Variants in TNKS observed in about 807,000 individuals in gnomAD.
TNKS encodes the protein poly [ADP-ribose] polymerase tankyrase-1.
TNKS carries 72 observed loss-of-function variants against 135.8 expected under a neutral mutation model. The observed-to-expected ratio is 0.53, with a 90% confidence interval of 0.44 to 0.64. The LOEUF is 0.64. TNKS is among the 30% of genes least tolerant of loss of function. The probability of loss-of-function intolerance (pLI) is 0.00; values close to 1 mark genes in which losing one functional copy is unlikely to be tolerated. For synonymous variants in TNKS, 849 were observed against 649.3 expected (o/e 1.31, Z -4.68); for missense variants, 1,769 against 1,674.0 (o/e 1.06, Z -0.99).
At chr8:9,573,330 G>A (rs1274759355) in intron 1 of TNKS, among the ~76,000 whole-genome samples, 1 of 152,184 alleles carries the variant, frequency 6.6e-6, no homozygotes, top group African/African-American at 2.4e-5. Context: ...ATAGAAAAAG[G>A]AAGTGATGTA....
At chr8:9,716,624 A>G (rs1444603188) in intron 11 of TNKS, among the ~76,000 whole-genome samples, 3 of 152,128 alleles carry the variant, frequency 2.0e-5, no homozygotes, top group Non-Finnish European at 4.4e-5. Flanking sequence ...TTTAGAAACT[A>G]TCAGGTACTT....
intron 17 of TNKS, among the ~76,000 whole-genome samples, chr8:9,746,226 A>C (rs542230510): frequency 6.6e-6 from 1 of 152,348 alleles, no homozygotes; most frequent in African/African-American, 2.4e-5. Flanking sequence ...GGATCTCAGA[A>C]ATACTTAAGT....
At chr8:9,573,927 G>A (rs902085233) in intron 1 of TNKS, among the ~76,000 whole-genome samples, 4 of 152,086 alleles carry the variant, frequency 2.6e-5, no homozygotes, top group Non-Finnish European at 4.4e-5. Flanking sequence ...ATTGGCCATC[G>A]TTCCATGGAA....
At chr8:9,763,402 G>C (rs1672937101) in intron 22 of TNKS, among the ~76,000 whole-genome samples, 158 bp downstream of exon 22, 1 of 152,124 alleles carries the variant, frequency 6.6e-6, no homozygotes, top group Non-Finnish European at 1.5e-5. Context: ...ATTAAAATAT[G>C]ACGGCGCCCC....
chr8:9,658,764 G>A (rs1176299908), intron 3 of TNKS, among the ~76,000 whole-genome samples: 1 of 152,182 alleles, frequency 6.6e-6, no homozygotes, highest in East Asian at 1.9e-4. Flanking sequence ...TGGGCTAAAT[G>A]CTCCAATTAA....
rs1253799798 is a variant in TNKS, at chr8:9,657,338, G to A, written c.995-22613G>A. Among the ~76,000 whole-genome samples the A allele has an allele frequency of 6.9e-3, 549 of 79,776 alleles. 2 individuals are homozygous for A. The highest frequency in any genetic ancestry group is 9.7e-3 in the Non-Finnish European group (349 of 36,112). 52.3% of individuals were successfully genotyped at this position (79,776 alleles called of 152,430 possible). A position where few individuals can be genotyped will look rare whatever the true frequency, so the allele number is the denominator to read the frequency against. ...TCCCTCCCAGACGGGGCGGCTGGCC[G>A]GGCAGAGGGGCTCCTCACTTCCCAG... On this transcript the variant is annotated intron_variant, in intron 3 of 26. Coordinates refer to ENST00000310430, the MANE Select transcript of TNKS (RefSeq NM_003747.3).
chr8:9,597,375 C>A (rs939985329), intron 2 of TNKS, among the ~76,000 whole-genome samples: 1 of 152,216 alleles, frequency 6.6e-6, no homozygotes, highest in Admixed American at 6.5e-5. Flanking sequence ...AGCGGACACT[C>A]AATCAAAGCT....
rs1396204023 is a variant in TNKS, at chr8:9,569,658, A to T, written c.674-10501A>T. Reference sequence around the variant, plus strand: ...TGAACATTTTTGTACACGTCTGTAAACGTCAACATTGAAAACTTTTTAGTT... The same window carrying T: ...TGAACATTTTTGTACACGTCTGTAATCGTCAACATTGAAAACTTTTTAGTT... On this transcript the variant is annotated intron_variant, in intron 1 of 26. Coordinates refer to ENST00000310430, the MANE Select transcript of TNKS (RefSeq NM_003747.3). Among the ~76,000 whole-genome samples, 3 of 152,342 alleles carry T rather than the reference A, an allele frequency of 2.0e-5. No homozygotes were observed. In the Middle Eastern group the frequency reaches 0.01, roughly 518 times the overall value.
chr8:9,590,943 C>T (rs182564258), intron 2 of TNKS, among the ~76,000 whole-genome samples: 15 of 152,160 alleles, frequency 9.9e-5, no homozygotes, highest in Non-Finnish European at 1.9e-4. Context: ...TTTCTGCTTT[C>T]GTTGCTTGTG....
intron 1 of TNKS, among the ~76,000 whole-genome samples, chr8:9,560,489 T>C (rs963550467): frequency 2.1e-5 from 3 of 140,282 alleles, no homozygotes; most frequent in Admixed American, 7.5e-5. Context: ...ATGGCCATAC[T>C]TGTCTTTTTT....
At chr8:9,725,908 C>T (rs1320431488) in intron 12 of TNKS, among the ~76,000 whole-genome samples, 2 of 152,040 alleles carry the variant, frequency 1.3e-5, no homozygotes, top group South Asian at 4.2e-4. Flanking sequence ...ACCTAACAGC[C>T]CAATTTAATT....
chr8:9,565,518 T>G (rs1007638649), intron 1 of TNKS, among the ~76,000 whole-genome samples: 4 of 152,192 alleles, frequency 2.6e-5, no homozygotes, highest in African/African-American at 9.7e-5. Context: ...AATTTACTGA[T>G]TGACTCAAAA....
At chr8:9,733,701 T>G (rs1431429423) in intron 15 of TNKS, among the ~76,000 whole-genome samples, 4 of 152,190 alleles carry the variant, frequency 2.6e-5, no homozygotes, top group Non-Finnish European at 5.9e-5. Flanking sequence ...TGAAATAGTT[T>G]GCATTGCTTG....
intron 20 of TNKS, among the ~76,000 whole-genome samples, chr8:9,752,990 T>C (rs906498211): frequency 2.6e-5 from 4 of 151,758 alleles, no homozygotes; most frequent in African/African-American, 4.8e-5. Flanking sequence ...AAGAAAGACT[T>C]ATTAATTGCC....
chr8:9,562,088 A>G (rs928749577), intron 1 of TNKS, among the ~76,000 whole-genome samples: 2 of 152,052 alleles, frequency 1.3e-5, no homozygotes, highest in African/African-American at 4.8e-5. Flanking sequence ...AAGTGCTGGG[A>G]TTACAGGAGT....
chr8:9,698,397 AG>A (rs1803630051), intron 5 of TNKS, among the ~76,000 whole-genome samples: 1 of 136,074 alleles, frequency 7.3e-6, no homozygotes, highest in Admixed American at 7.9e-5. Context: ...AAAAAGCTTA[AG>A]TATATAAGCA....
At chr8:9,638,239 C>T (rs1035026568) in intron 3 of TNKS, among the ~76,000 whole-genome samples, 3 of 152,186 alleles carry the variant, frequency 2.0e-5, no homozygotes, top group African/African-American at 4.8e-5. Context: ...CCTCCTAAAG[C>T]GTTGGGATTA....
At chr8:9,666,099 GCTGA>G (rs1390281323) in intron 3 of TNKS, among the ~76,000 whole-genome samples, 3 of 152,132 alleles carry the variant, frequency 2.0e-5, no homozygotes, top group Non-Finnish European at 4.4e-5. Context: ...AGCTTTTGCT[GCTGA>G]CTGATTACAA....
chr8:9,601,004 T>C (rs1289298329), intron 2 of TNKS, among the ~76,000 whole-genome samples: 1 of 152,244 alleles, frequency 6.6e-6, no homozygotes, highest in African/African-American at 2.4e-5. Flanking sequence ...CGTTACAAAG[T>C]AATTTCTGTA....
Sources: gnomAD v4.1 joint callset for allele counts (sites outside exome capture counted in the v4.1 genomes callset) on GRCh38, gnomAD v4.1.1 for gene constraint, MANE v1.5 for transcripts, NCBI Gene and HGNC (gene_info 2026-07-23, HGNC 2026-07-21) for gene names.